The following KCNIP1 variants were observed in gnomAD, a reference collection of about 807,000 sequenced individuals.
The protein encoded by KCNIP1 is A-type potassium channel modulatory protein KCNIP1.
In KCNIP1, 18 loss-of-function variants were observed where a neutral mutation model predicts 33.0. That is an observed-to-expected ratio of 0.55 (90% CI 0.38 to 0.81). KCNIP1 has a LOEUF of 0.81. KCNIP1 is among the 30% of genes least tolerant of loss of function. KCNIP1 has a pLI of 0.00. For missense variants in KCNIP1, 238 were observed against 271.6 expected, an observed-to-expected ratio of 0.88 and a Z score of 0.87; for synonymous variants, 93 against 98.3, an observed-to-expected ratio of 0.95 and a Z score of 0.32.
chr5:170,550,455 A>AATG (rs1561681697), intron 1 of KCNIP1, among the ~76,000 whole-genome samples: 2 of 151,824 alleles, frequency 1.3e-5, no homozygotes, highest in Non-Finnish European at 2.9e-5. Context: ...TGATGATGGC[A>AATG]ATGATGATGA....
intron 1 of KCNIP1, among the ~76,000 whole-genome samples, chr5:170,563,631 T>TG (rs1757107834): frequency 1.2e-5 from 1 of 86,446 alleles, no homozygotes; most frequent in East Asian, 4.3e-4. Context: ...TAAGGTGTTT[T>TG]GTTTTTTTTT....
In KCNIP1 at chr5:170,617,757, G is replaced by A. The variant is rs188125202; in HGVS notation, c.62-101001G>A. Among the ~76,000 whole-genome samples the A allele has an allele frequency of 2.0e-3, 303 of 152,290 alleles. 1 individual carries two copies. The highest frequency in any genetic ancestry group is 0.016 in the South Asian group (76 of 4,830). On this transcript the variant is annotated intron_variant, in intron 1 of 7. Transcript: ENST00000328939. ...CCCTGTTCCCCAAACTAAATTGAAT[G>A]AAGGATTCTTTTTTTATGACCCACC... is the stretch of plus-strand genomic sequence containing the variant.
intron 1 of KCNIP1, among the ~76,000 whole-genome samples, chr5:170,371,313 C>T (rs1263985811): frequency 6.6e-6 from 1 of 152,138 alleles, no homozygotes; most frequent in African/African-American, 2.4e-5. Context: ...TTCTGCTTGG[C>T]CATCACCCCC....
intron 1 of KCNIP1, among the ~76,000 whole-genome samples, chr5:170,447,835 T>C (rs1756156167): frequency 6.6e-6 from 1 of 151,932 alleles, no homozygotes; most frequent in Admixed American, 6.6e-5. Flanking sequence ...ACAAGTTGTC[T>C]TGAGTTTCCA....
chr5:170,566,919 A>G (rs1015729041), intron 1 of KCNIP1, among the ~76,000 whole-genome samples: 1 of 152,238 alleles, frequency 6.6e-6, no homozygotes, highest in African/African-American at 2.4e-5. Flanking sequence ...ACGAACAGAA[A>G]GTCTGTGGCC....
chr5:170,422,901 CATGACGAA>C (rs1755529176), intron 1 of KCNIP1: 1 of 152,200 alleles, frequency 6.6e-6, no homozygotes, highest in African/African-American at 2.4e-5. Flanking sequence ...GCCTGGGCAA[CATGACGAA>C]ACCCTACCTC....
chr5:170,375,654 T>C (rs1054256239), intron 1 of KCNIP1: 5 of 152,770 alleles, frequency 3.3e-5, no homozygotes, highest in African/African-American at 9.6e-5. Flanking sequence ...AGTTCTGTGG[T>C]TGAGATGCCA....
chr5:170,593,184 C>T lies in KCNIP1; in HGVS notation c.61+88551C>T, dbSNP rs115445759. Among the ~76,000 whole-genome samples the T allele has an allele frequency of 6.1e-3, 929 of 152,218 alleles. 19 individuals are homozygous for T. The highest frequency in any genetic ancestry group is 0.021 in the African/African-American group (873 of 41,514). Reference sequence around the variant, plus strand: ...TACTACATTTAAAAGAGCGTGTACGCGAGAATAATGTGGTCAGGTGGCCTG... The same window carrying T: ...TACTACATTTAAAAGAGCGTGTACGTGAGAATAATGTGGTCAGGTGGCCTG... On this transcript the variant is annotated intron_variant, in intron 1 of 7. Transcript: ENST00000328939.
intron 1 of KCNIP1, among the ~76,000 whole-genome samples, chr5:170,396,629 G>C (rs1459731331): frequency 6.6e-6 from 1 of 152,124 alleles, no homozygotes; most frequent in Non-Finnish European, 1.5e-5. Flanking sequence ...ATTCAAAGGT[G>C]GATTCAAAGA....
chr5:170,397,900 G>C (rs561744583), intron 1 of KCNIP1, among the ~76,000 whole-genome samples: 1 of 152,316 alleles, frequency 6.6e-6, no homozygotes, highest in South Asian at 2.1e-4. Flanking sequence ...GGGGCTGCCA[G>C]GTTATAGGTA....
chr5:170,509,128 C>T (rs1295210952), intron 1 of KCNIP1, among the ~76,000 whole-genome samples: 1 of 152,164 alleles, frequency 6.6e-6, no homozygotes, highest in Non-Finnish European at 1.5e-5. Flanking sequence ...TTTCAGTTAC[C>T]AGCCCTCTGC....
chr5:170,694,991 A>G (rs955986316), intron 1 of KCNIP1, among the ~76,000 whole-genome samples: 3 of 152,228 alleles, frequency 2.0e-5, no homozygotes, highest in Admixed American at 6.5e-5. Context: ...ATAAGTCAGT[A>G]TTAATCAAAC....
At chr5:170,415,975 G>T (rs150003007) in intron 1 of KCNIP1, among the ~76,000 whole-genome samples, 363 of 152,256 alleles carry the variant, frequency 2.4e-3, no homozygotes, top group African/African-American at 8.4e-3. Flanking sequence ...GAAGGCTGCT[G>T]GGGAGGAGAG....
chr5:170,467,857 G>A (rs561974686), intron 1 of KCNIP1, among the ~76,000 whole-genome samples: 1 of 145,592 alleles, frequency 6.9e-6, no homozygotes, highest in East Asian at 2.0e-4. Context: ...GGTGGAGGTT[G>A]CAGTGAGCTG....
chr5:170,455,038 C>T (rs1402336599), intron 1 of KCNIP1, among the ~76,000 whole-genome samples: 1 of 152,016 alleles, frequency 6.6e-6, no homozygotes, highest in Non-Finnish European at 1.5e-5. Context: ...AACAAATATG[C>T]TCCTAAAAAT....
At chr5:170,362,207 G>A (rs565119181) in intron 1 of KCNIP1, among the ~76,000 whole-genome samples, 1 of 152,260 alleles carries the variant, frequency 6.6e-6, no homozygotes, top group African/African-American at 2.4e-5. Flanking sequence ...ACGGGGGACC[G>A]GCCTGCTTGG....
intron 1 of KCNIP1, among the ~76,000 whole-genome samples, chr5:170,676,400 AT>A (rs1206334007): frequency 6.6e-6 from 1 of 152,110 alleles, no homozygotes; most frequent in Non-Finnish European, 1.5e-5. Context: ...AATGGTAATG[AT>A]TTTCTCTCTG....
At chr5:170,542,340 C>A (rs1048336140) in intron 1 of KCNIP1, among the ~76,000 whole-genome samples, 1 of 152,176 alleles carries the variant, frequency 6.6e-6, no homozygotes, top group Non-Finnish European at 1.5e-5. Context: ...TGGCACTGGG[C>A]AGGTTCATCA....
chr5:170,700,802 C>T (rs1763069140), intron 1 of KCNIP1, among the ~76,000 whole-genome samples: 1 of 152,214 alleles, frequency 6.6e-6, no homozygotes, highest in Non-Finnish European at 1.5e-5. Context: ...ATGCCAGTCA[C>T]ATAGTCCTAC....
Sources: allele counts gnomAD v4.1 joint callset (sites outside exome capture counted in the v4.1 genomes callset), GRCh38; gene constraint gnomAD v4.1.1; transcripts MANE v1.5; gene names NCBI Gene and HGNC (gene_info 2026-07-23, HGNC 2026-07-21).